CTNNA2: variants seen among roughly 807,000 people sequenced by gnomAD.
CTNNA2 encodes catenin alpha-2.
A neutral mutation model predicts 101.0 loss-of-function variants in CTNNA2; 42 were observed. The observed-to-expected ratio is 0.42, with a 90% CI of 0.32 to 0.54. CTNNA2 has a LOEUF of 0.54. Among genes scored for constraint, CTNNA2 ranks in the 20% least tolerant of loss-of-function variants. CTNNA2 has a pLI of 0.14. For missense variants in CTNNA2, 871 were observed against 1,223.1 expected (o/e 0.71, Z 4.29); for synonymous variants, 450 against 456.4 (o/e 0.99, Z 0.18).
In CTNNA2 at chr2:79,505,167, C is replaced by T. The variant is rs146657092; in HGVS notation, c.-21C>T. 1.4e-3 allele frequency: 221 copies of T among 152,586 alleles called. 1 individual carries two copies. The highest frequency in any genetic ancestry group is 6.7e-3 in the Middle Eastern group (2 of 300). 9.5% of individuals were successfully genotyped at this position (152,586 alleles called of 1,614,324 possible). On this transcript the variant is annotated 5_prime_UTR_variant, in exon 5 of 22. Transcript: ENST00000466387. Reference sequence around the variant, plus strand: ...CCCTCCTTGATGGCACTCCCAGCAGCACAGCCTTAGCACTGGTAAGACATC... The same window carrying T: ...CCCTCCTTGATGGCACTCCCAGCAGTACAGCCTTAGCACTGGTAAGACATC...
intron 2 of CTNNA2, among the ~76,000 whole-genome samples, chr2:79,700,722 G>T (rs6747882): frequency 6.6e-6 from 1 of 152,128 alleles, no homozygotes; most frequent in East Asian, 1.9e-4. Context: ...AGGGAATAGA[G>T]GTGGGAAAAG....
intron 4 of CTNNA2, among the ~76,000 whole-genome samples, chr2:79,502,632 A>T (rs1051630251): frequency 6.6e-6 from 1 of 152,174 alleles, no homozygotes; most frequent in Non-Finnish European, 1.5e-5. Flanking sequence ...TGGAATAATT[A>T]TGCTATTTCT....
In CTNNA2 at chr2:80,223,688, G is replaced by C. The variant is rs115088484; in HGVS notation, c.1057-169523G>C. 3.0e-3 allele frequency among the ~76,000 whole-genome samples: 462 copies of C among 152,338 alleles called. 3 individuals carry two copies. Among genetic ancestry groups the C allele is most frequent in the Non-Finnish European group, 5.4e-3 (366 of 68,034 alleles). ...CTTTAATCTGTCTGTTGGAAGGAAA[G>C]AGTGACCACCACTTAGGATATATCC... On this transcript the variant is annotated intron_variant, in intron 7 of 18. Transcript: ENST00000402739.
chr2:79,317,784 T>C (rs1285930185), intron 3 of CTNNA2, among the ~76,000 whole-genome samples: 1 of 152,120 alleles, frequency 6.6e-6, no homozygotes, highest in African/African-American at 2.4e-5. Context: ...TTTTGACAAA[T>C]ATTTTGACCT....
intron 7 of CTNNA2, among the ~76,000 whole-genome samples, chr2:80,204,146 G>A (rs1016118459): frequency 3.9e-5 from 6 of 152,188 alleles, no homozygotes; most frequent in African/African-American, 1.2e-4. Flanking sequence ...GCCTGTGATG[G>A]GAGGGGCTGC....
rs76081616 is a variant in CTNNA2 at position 79,731,522 on chromosome 2, C to T, written c.103-12865C>T. On this transcript the variant is annotated intron_variant, in intron 2 of 18. Coordinates refer to ENST00000402739, the MANE Select transcript of CTNNA2 (RefSeq NM_001282597.3). ...AGATGTGATAGCTTGTGGCTACCCA[C>T]CAGAACTATTTGTGCTAGAGAGATG... 3.5e-3 allele frequency among the ~76,000 whole-genome samples: 535 copies of T among 152,152 alleles called. 9 individuals are homozygous for T. Among genetic ancestry groups the T allele is most frequent in the Admixed American group, 0.022 (330 of 15,262 alleles).
intron 7 of CTNNA2, chr2:80,288,613 C>T (rs1044672037): frequency 1.3e-5 from 2 of 152,206 alleles, no homozygotes; most frequent in Admixed American, 6.5e-5. Context: ...TCTGGACTGG[C>T]CCAGATTCTT....
At chr2:79,810,330 G>A (rs557168256) in intron 3 of CTNNA2, among the ~76,000 whole-genome samples, 10 of 151,940 alleles carry the variant, frequency 6.6e-5, no homozygotes, top group Non-Finnish European at 8.8e-5. Flanking sequence ...AAAGAGAAAC[G>A]CCCATAAAAC....
chr2:79,250,761 T>C (rs891901672), intron 2 of CTNNA2, among the ~76,000 whole-genome samples: 1 of 152,208 alleles, frequency 6.6e-6, no homozygotes, highest in Admixed American at 6.5e-5. Context: ...TTTTGCTTTG[T>C]ATTACATTTG....
intron 7 of CTNNA2, among the ~76,000 whole-genome samples, chr2:80,215,481 G>A (rs1269213514): frequency 6.6e-6 from 1 of 152,200 alleles, no homozygotes; most frequent in South Asian, 2.1e-4. Context: ...CCTTCTAACA[G>A]TCAGGACCCT....
intron 6 of CTNNA2, among the ~76,000 whole-genome samples, chr2:79,874,874 T>TA (rs774423378): frequency 2.6e-5 from 4 of 152,164 alleles, no homozygotes; most frequent in Admixed American, 6.5e-5. Context: ...TGAGATAACT[T>TA]ACAGGCTATT....
At chr2:80,080,948 TAAAAAAA>T (rs79785271) in intron 7 of CTNNA2, among the ~76,000 whole-genome samples, 22 of 87,562 alleles carry the variant, frequency 2.5e-4, no homozygotes, top group South Asian at 4.7e-4. Context: ...TTCTCCCACT[TAAAAAAA>T]AAAAAAAAAA....
At chr2:79,744,669 CAA>C in intron 3 of CTNNA2, 87 bp downstream of exon 3, 1 of 1,276,192 alleles carries the variant, frequency 7.8e-7, no homozygotes, top group Non-Finnish European at 1.1e-6. Flanking sequence ...GATATTTACT[CAA>C]AGAAGAAGTC....
intron 1 of CTNNA2, among the ~76,000 whole-genome samples, chr2:79,640,850 C>G (rs1259160254): frequency 6.6e-6 from 1 of 152,006 alleles, no homozygotes; most frequent in Admixed American, 6.6e-5. Flanking sequence ...AGTTTATAAC[C>G]TGGTGGGTTA....
At chr2:79,429,685 A>G (rs1255707486) in intron 4 of CTNNA2, among the ~76,000 whole-genome samples, 1 of 152,210 alleles carries the variant, frequency 6.6e-6, no homozygotes, top group African/African-American at 2.4e-5. Flanking sequence ...TTTATGCAGT[A>G]GGAAATACAC....
At chr2:80,629,154 T>TGA (rs1399148212) in intron 18 of CTNNA2, among the ~76,000 whole-genome samples, 13 of 152,086 alleles carry the variant, frequency 8.5e-5, no homozygotes, top group Admixed American at 8.5e-4. Flanking sequence ...AAAGACTATA[T>TGA]AGTCTTTTGG....
At chr2:79,457,671 C>T (rs987816296) in intron 4 of CTNNA2, among the ~76,000 whole-genome samples, 1 of 152,114 alleles carries the variant, frequency 6.6e-6, no homozygotes, top group Non-Finnish European at 1.5e-5. Context: ...GTTACGGAAA[C>T]TCCGCGAGTA....
At chr2:80,175,948 A>G (rs929971728) in intron 7 of CTNNA2, among the ~76,000 whole-genome samples, 1 of 152,204 alleles carries the variant, frequency 6.6e-6, no homozygotes, top group Non-Finnish European at 1.5e-5. Flanking sequence ...ATCCTTCCAC[A>G]TTCCTCTGCC....
chr2:79,293,679 A>G (rs1479392833), intron 2 of CTNNA2, among the ~76,000 whole-genome samples: 1 of 152,178 alleles, frequency 6.6e-6, no homozygotes, highest in Non-Finnish European at 1.5e-5. Context: ...CACATACAAA[A>G]TAACACTATT....
Sources: allele counts gnomAD v4.1 joint callset (sites outside exome capture counted in the v4.1 genomes callset), GRCh38; gene constraint gnomAD v4.1.1; transcripts MANE v1.5; gene names NCBI Gene and HGNC (gene_info 2026-07-23, HGNC 2026-07-21).